EXOC4: variants seen among roughly 807,000 people sequenced by gnomAD.
EXOC4 encodes exocyst complex component 4.
Under a neutral mutation model 107.2 loss-of-function variants are expected in EXOC4, and 71 were observed. The ratio of observed to expected loss-of-function variants is 0.66; its 90% CI spans 0.55 to 0.81. The LOEUF is 0.81. Among genes scored for constraint, EXOC4 ranks in the 30% least tolerant of loss-of-function variants. The pLI, the probability that EXOC4 is intolerant of heterozygous loss-of-function variation, is 0.00. For synonymous variants in EXOC4, 456 were observed against 441.2 expected (o/e 1.03, Z -0.42); for missense variants, 1,108 against 1,189.6 (o/e 0.93, Z 1.01).
intron 7 of EXOC4, among the ~76,000 whole-genome samples, chr7:133,453,564 A>G (rs546446673): frequency 5.9e-5 from 9 of 152,300 alleles, no homozygotes; most frequent in Non-Finnish European, 1.2e-4. Context: ...TTTTCTAGAA[A>G]GTATCCAGAG....
At chr7:133,654,874 C>G (rs556921189) in intron 10 of EXOC4, among the ~76,000 whole-genome samples, 4 of 152,080 alleles carry the variant, frequency 2.6e-5, no homozygotes, top group African/African-American at 9.7e-5. Context: ...TAGGCAGTTG[C>G]AACACAATGG....
At chr7:133,502,610 G>A (rs1173888168) in intron 9 of EXOC4, among the ~76,000 whole-genome samples, 2 of 152,058 alleles carry the variant, frequency 1.3e-5, no homozygotes, top group South Asian at 2.1e-4. Context: ...TAGGTAGTGA[G>A]TTATGTCAAG....
At chr7:133,568,513 T>G (rs1424684421) in intron 9 of EXOC4, among the ~76,000 whole-genome samples, 1 of 152,202 alleles carries the variant, frequency 6.6e-6, no homozygotes, top group Non-Finnish European at 1.5e-5. Context: ...TTCAATTTGT[T>G]TGGCAATTAT....
At chr7:133,956,848 C>G (rs1323781236) in intron 14 of EXOC4, among the ~76,000 whole-genome samples, 4 of 152,146 alleles carry the variant, frequency 2.6e-5, no homozygotes, top group Non-Finnish European at 5.9e-5. Context: ...CATACTTATT[C>G]CACCACACTG....
At chr7:133,909,058 A>G (rs921312315) in intron 12 of EXOC4, among the ~76,000 whole-genome samples, 3 of 151,804 alleles carry the variant, frequency 2.0e-5, no homozygotes, top group Non-Finnish European at 4.4e-5. Context: ...TCATTGTTCA[A>G]CTCCCACTTA....
At chr7:133,349,385 G>A (rs1380163799) in intron 5 of EXOC4, among the ~76,000 whole-genome samples, 4 of 151,944 alleles carry the variant, frequency 2.6e-5, no homozygotes, top group Admixed American at 6.6e-5. Context: ...GACTAAGTAC[G>A]GCATATAAGT....
chr7:133,652,339 C>T (rs1803177977), intron 10 of EXOC4, among the ~76,000 whole-genome samples: 1 of 152,042 alleles, frequency 6.6e-6, no homozygotes, highest in African/African-American at 2.4e-5. Flanking sequence ...TGGTAAAATA[C>T]AGTTTGTTGT....
the EXOC4 span, among the ~76,000 whole-genome samples, chr7:134,075,351 G>A: frequency 3.3e-5 from 5 of 152,066 alleles, no homozygotes; most frequent in South Asian, 2.1e-4. Context: ...GTATTAGTCC[G>A]TTTTTACACA....
At chr7:133,304,087 G>C (rs1346382984) in intron 3 of EXOC4, among the ~76,000 whole-genome samples, 1 of 152,178 alleles carries the variant, frequency 6.6e-6, no homozygotes, top group Non-Finnish European at 1.5e-5. Flanking sequence ...ATCAAGTGTG[G>C]ATGTGCAGTG....
At chr7:134,015,250 C>T (rs939394664) in intron 17 of EXOC4, among the ~76,000 whole-genome samples, 1 of 152,262 alleles carries the variant, frequency 6.6e-6, no homozygotes, top group East Asian at 1.9e-4. Flanking sequence ...TTTTAAAAAG[C>T]GTATATCTGA....
intron 7 of EXOC4, among the ~76,000 whole-genome samples, chr7:133,464,794 T>G (rs1017946): frequency 1 from 133,886 of 134,520 alleles, 66,634 homozygotes; most frequent in Middle Eastern, 1. Flanking sequence ...AGTTTTTTTT[T>G]TTTGTTGGTT....
At chr7:133,989,314 A>T (rs1284346814) in intron 14 of EXOC4, among the ~76,000 whole-genome samples, 1 of 152,168 alleles carries the variant, frequency 6.6e-6, no homozygotes, top group South Asian at 2.1e-4. Context: ...TGCCTATGGG[A>T]TATACAGGTA....
At chr7:133,674,451 A>T (rs1389274292) in intron 10 of EXOC4, among the ~76,000 whole-genome samples, 2 of 152,058 alleles carry the variant, frequency 1.3e-5, no homozygotes, top group Non-Finnish European at 2.9e-5. Flanking sequence ...TAAGGTTTGA[A>T]TTTTTGCAAT....
intron 9 of EXOC4, among the ~76,000 whole-genome samples, chr7:133,593,499 G>T (rs1384438058): frequency 6.6e-6 from 1 of 152,170 alleles, no homozygotes; most frequent in Non-Finnish European, 1.5e-5. Flanking sequence ...TATAAAATGG[G>T]AATCAATGTG....
intron 14 of EXOC4, among the ~76,000 whole-genome samples, chr7:133,945,008 A>G (rs952262211): frequency 6.6e-6 from 1 of 152,214 alleles, no homozygotes. Flanking sequence ...AAACCCATTC[A>G]CAAGTGGAAC....
At chr7:133,982,445 G>C (rs1160144478) in intron 14 of EXOC4, among the ~76,000 whole-genome samples, 1 of 152,172 alleles carries the variant, frequency 6.6e-6, no homozygotes, top group East Asian at 1.9e-4. Flanking sequence ...CCAGCTACTC[G>C]GGAGGCTGAG....
In EXOC4 at chr7:133,369,751, C is replaced by G. The variant is rs149862496; in HGVS notation, c.1008-5077C>G. 4.6e-3 allele frequency among the ~76,000 whole-genome samples: 694 copies of G among 149,960 alleles called. 4 individuals are homozygous for G. Among genetic ancestry groups the G allele is most frequent in the African/African-American group, 0.013 (526 of 40,740 alleles). ...CTCCCTAAGGATATAACACCTTAAACTTAACATATCCAGATAAAAACCCAG... is the reference window on the plus strand; with the variant it reads ...CTCCCTAAGGATATAACACCTTAAAGTTAACATATCCAGATAAAAACCCAG... On this transcript the variant is annotated intron_variant, in intron 6 of 17. Coordinates refer to ENST00000253861, the MANE Select transcript of EXOC4 (RefSeq NM_021807.4).
intron 8 of EXOC4, among the ~76,000 whole-genome samples, chr7:133,477,813 T>C (rs1043619435): frequency 6.6e-6 from 1 of 152,246 alleles, no homozygotes; most frequent in Non-Finnish European, 1.5e-5. Context: ...TTTCTGCTAA[T>C]GACAAAACTC....
chr7:133,471,632 A>T (rs970698040), intron 7 of EXOC4, among the ~76,000 whole-genome samples: 3 of 152,270 alleles, frequency 2.0e-5, no homozygotes, highest in African/African-American at 4.8e-5. Context: ...TGTACTGAGG[A>T]TTAATTTACA....
Sources: allele counts gnomAD v4.1 joint callset (sites outside exome capture counted in the v4.1 genomes callset), GRCh38; gene constraint gnomAD v4.1.1; transcripts MANE v1.5; gene names NCBI Gene and HGNC (gene_info 2026-07-23, HGNC 2026-07-21).